PDE8B: variants seen among roughly 807,000 people sequenced by gnomAD.
PDE8B encodes phosphodiesterase 8B, also known as high affinity cAMP-specific and IBMX-insensitive 3',5'-cyclic phosphodiesterase 8B.
Under a neutral mutation model 101.3 loss-of-function variants are expected in PDE8B, and 26 were observed. The ratio of observed to expected loss-of-function variants is 0.26; its 90% CI spans 0.19 to 0.36. The LOEUF is 0.36. PDE8B is among the 10% of genes least tolerant of loss of function. The pLI is 1.00. For synonymous variants in PDE8B, 424 were observed against 429.3 expected, an observed-to-expected ratio of 0.99 and a Z score of 0.15; for missense variants, 810 against 1,163.1, an observed-to-expected ratio of 0.70 and a Z score of 4.42.
chr5:77,384,267 A>G (rs947218390), intron 10 of PDE8B, among the ~76,000 whole-genome samples: 1 of 152,176 alleles, frequency 6.6e-6, no homozygotes, highest in Non-Finnish European at 1.5e-5. Flanking sequence ...GAGTTCACTC[A>G]TGATTTGGCT....
chr5:77,362,927 A>G (rs1326620252), intron 10 of PDE8B, among the ~76,000 whole-genome samples: 1 of 152,072 alleles, frequency 6.6e-6, no homozygotes, highest in Non-Finnish European at 1.5e-5. Flanking sequence ...TGACCACACT[A>G]TCACTGCTCA....
the PDE8B span, among the ~76,000 whole-genome samples, chr5:77,179,011 G>C: frequency 6.6e-6 from 1 of 152,188 alleles, no homozygotes; most frequent in Non-Finnish European, 1.5e-5. Flanking sequence ...TCCATAGGTG[G>C]GCAGCAAGTC....
the PDE8B span, among the ~76,000 whole-genome samples, chr5:77,204,816 G>C: frequency 1.3e-5 from 2 of 152,128 alleles, no homozygotes; most frequent in Non-Finnish European, 2.9e-5. Context: ...ACTCATCTTT[G>C]TTCTGGCCCC....
the PDE8B span, among the ~76,000 whole-genome samples, chr5:77,101,939 T>G: frequency 6.6e-6 from 1 of 152,180 alleles, no homozygotes; most frequent in Non-Finnish European, 1.5e-5. Context: ...GTTCTGGAGA[T>G]GCATGGTGGT....
intron 18 of PDE8B, 72 bp downstream of exon 18, chr5:77,418,518 CT>C: frequency 9.5e-7 from 1 of 1,047,246 alleles, no homozygotes. Flanking sequence ...TTAGCTTCCT[CT>C]TAGGGGAAAG....
At chr5:77,374,551 TA>T (rs1785691820) in intron 10 of PDE8B, among the ~76,000 whole-genome samples, 1 of 152,086 alleles carries the variant, frequency 6.6e-6, no homozygotes, top group Non-Finnish European at 1.5e-5. Context: ...GGGATTACTA[TA>T]TACATCTTTA....
At chr5:77,338,824 G>A (rs4704408) in intron 6 of PDE8B, among the ~76,000 whole-genome samples, 126,714 of 152,222 alleles carry the variant, frequency 0.83, 53,088 homozygotes, top group East Asian at 0.97. Flanking sequence ...AAAAATGAAC[G>A]GCGCAACACC....
intron 10 of PDE8B, among the ~76,000 whole-genome samples, chr5:77,354,426 G>C (rs1001837536): frequency 2.0e-5 from 3 of 152,172 alleles, no homozygotes; most frequent in Non-Finnish European, 2.9e-5. Context: ...TCATGCAAGA[G>C]GCAAGTCCTT....
At chr5:77,127,053 A>G in the PDE8B span, among the ~76,000 whole-genome samples, 1 of 152,082 alleles carries the variant, frequency 6.6e-6, no homozygotes, top group Non-Finnish European at 1.5e-5. Context: ...AGGTCAATAA[A>G]TTCACCATTA....
chr5:77,376,609 C>CT (rs1432865165), intron 10 of PDE8B, among the ~76,000 whole-genome samples: 2 of 152,114 alleles, frequency 1.3e-5, no homozygotes, highest in Non-Finnish European at 2.9e-5. Context: ...TAGAGATGCC[C>CT]TTTTTTCTCC....
chr5:77,180,761 C>G, the PDE8B span, among the ~76,000 whole-genome samples: 1 of 152,348 alleles, frequency 6.6e-6, no homozygotes, highest in South Asian at 2.1e-4. Context: ...CCGCCGTTCG[C>G]GTCCACCTGG....
At chr5:77,253,507 T>C (rs1758493695) in intron 1 of PDE8B, among the ~76,000 whole-genome samples, 1 of 152,208 alleles carries the variant, frequency 6.6e-6, no homozygotes, top group South Asian at 2.1e-4. Context: ...AGAAGAAACC[T>C]TTGAAATATG....
intron 1 of PDE8B, among the ~76,000 whole-genome samples, chr5:77,233,870 G>A (rs932688835): frequency 2.6e-5 from 4 of 151,688 alleles, no homozygotes; most frequent in African/African-American, 4.8e-5. Context: ...TAATGGAAGC[G>A]AGTCAATTTA....
At chr5:77,109,904 T>C in the PDE8B span, among the ~76,000 whole-genome samples, 3 of 150,420 alleles carry the variant, frequency 2.0e-5, no homozygotes, top group East Asian at 5.9e-4. Flanking sequence ...CACTAAAACA[T>C]ATTTTACTGC....
the PDE8B span, among the ~76,000 whole-genome samples, chr5:77,174,289 GGGA>G: frequency 1.3e-5 from 2 of 152,062 alleles, no homozygotes; most frequent in Admixed American, 6.6e-5. Flanking sequence ...CTGTTTTTAT[GGGA>G]GGTACCAGCA....
chr5:77,367,530 C>CTTTTT (rs3031815), intron 10 of PDE8B, among the ~76,000 whole-genome samples: 1 of 109,494 alleles, frequency 9.1e-6, no homozygotes, highest in Non-Finnish European at 1.9e-5. Flanking sequence ...CTTTTTCTCT[C>CTTTTT]TTTTTTTTTT....
rs545463714 is a variant in PDE8B, at chr5:77,346,968, C to G, written c.876+2037C>G. ...GGCACTCCAATCAAATAGTTAGATG[C>G]CTTTTTGAATACAAATCTTCAGAGG... is the stretch of plus-strand genomic sequence containing the variant. On this transcript the variant is annotated intron_variant, in intron 7 of 21. Coordinates refer to ENST00000264917, the MANE Select transcript of PDE8B (RefSeq NM_003719.5). Among the ~76,000 whole-genome samples the G allele has an allele frequency of 2.6e-5, 4 of 152,232 alleles. No homozygotes were observed. The South Asian group carries it at 8.3e-4, about 32-fold the overall frequency.
intron 10 of PDE8B, chr5:77,358,502 C>T (rs2150526848): frequency 3.3e-6 from 3 of 921,238 alleles, no homozygotes; most frequent in East Asian, 1.2e-4. Context: ...CCTCTTCGTA[C>T]TTCCTCCTAT....
At chr5:77,388,356 G>A (rs1390065312) in intron 10 of PDE8B, among the ~76,000 whole-genome samples, 1 of 152,132 alleles carries the variant, frequency 6.6e-6, no homozygotes, top group Non-Finnish European at 1.5e-5. Context: ...GGAGTTTGCT[G>A]GAGATCCACT....
Sources: gnomAD v4.1 joint callset for allele counts (sites outside exome capture counted in the v4.1 genomes callset) on GRCh38, gnomAD v4.1.1 for gene constraint, MANE v1.5 for transcripts, NCBI Gene and HGNC (gene_info 2026-07-23, HGNC 2026-07-21) for gene names.